Variants in CHP2 observed in about 807,000 individuals in gnomAD.
The protein encoded by CHP2 is calcineurin B homologous protein 2.
A neutral mutation model predicts 24.7 loss-of-function variants in CHP2; 31 were observed. That is an observed-to-expected ratio of 1.26 (90% CI 0.94 to 1.69). CHP2 has a LOEUF of 1.69. Ranked by LOEUF, CHP2 falls within the 40% of genes most tolerant of loss-of-function variation. The pLI, the probability that CHP2 is intolerant of heterozygous loss-of-function variation, is 0.00. For missense variants in CHP2, 319 were observed against 261.5 expected (o/e 1.22, Z -1.52); for synonymous variants, 97 against 99.1 (o/e 0.98, Z 0.13).
intron 5 of CHP2, 112 bp from the exon 6 acceptor site, chr16:23,757,089 T>C: frequency 8.0e-7 from 1 of 1,253,476 alleles, no homozygotes; most frequent in Non-Finnish European, 1.2e-6. Context: ...GGATGAAGGA[T>C]GGATTATAAA....
At chr16:23,757,153 C>G in intron 5 of CHP2, 48 bp from the exon 6 acceptor site, 1 of 1,612,012 alleles carries the variant, frequency 6.2e-7, no homozygotes, top group Non-Finnish European at 8.5e-7. Context: ...TGGGGAGTTG[C>G]AGCCTTCGTG....
rs926491755 is a variant in CHP2 at position 23,757,949 on chromosome 16, A to G, written c.*366A>G. 7 of 367,104 alleles carry G rather than the reference A, an allele frequency of 1.9e-5. No homozygotes were observed. Among genetic ancestry groups the G allele is most frequent in the African/African-American group, 1.5e-4 (7 of 47,416 alleles). The allele number at this position is 367,104 out of a possible 1,614,324, so 22.7% of individuals were successfully genotyped here. A position where few individuals can be genotyped will look rare whatever the true frequency, so the allele number is the denominator to read the frequency against. On this transcript the variant is annotated 3_prime_UTR_variant, in exon 7 of 7. Coordinates refer to ENST00000300113, the MANE Select transcript of CHP2 (RefSeq NM_022097.4). ...GGAGCCCTGAGCTTGTTTTCCTGCAATTAGACGGTCCCATATGGGAGTGAT... is the reference window on the plus strand; with the variant it reads ...GGAGCCCTGAGCTTGTTTTCCTGCAGTTAGACGGTCCCATATGGGAGTGAT...
At chr16:23,755,599 G>T (rs1961209812) in intron 1 of CHP2, 62 bp from the exon 2 acceptor site, 12 of 1,427,630 alleles carry the variant, frequency 8.4e-6, no homozygotes, top group Non-Finnish European at 1.2e-5. Context: ...GGCCTGTTGG[G>T]GCGGGTTTCT....
In CHP2 at chr16:23,755,104, C is replaced by A; in HGVS notation, c.55C>A (p.Arg19=). The change falls in exon 1 of 7, where the codon CGA becomes AGA. Residue 19 remains arginine, a synonymous_variant. Coordinates refer to ENST00000300113, the MANE Select transcript of CHP2 (RefSeq NM_022097.4). ...AVIPDGDSIR[R]ETGFSQASLL... Reference sequence around the variant, plus strand: ...CATTCCCGACGGGGACAGTATTCGGCGAGAGACCGGCTGTGAGTGCGCCCG... The same window carrying A: ...CATTCCCGACGGGGACAGTATTCGGAGAGAGACCGGCTGTGAGTGCGCCCG... 3.7e-6 allele frequency: 6 copies of A among 1,601,670 alleles called. No individual in the cohort carries two copies. The highest frequency in any genetic ancestry group is 5.1e-6 in the Non-Finnish European group (6 of 1,176,268).
At chr16:23,755,190 G>T in intron 1 of CHP2, 74 bp downstream of exon 1, 2 of 1,139,064 alleles carry the variant, frequency 1.8e-6, no homozygotes, top group Non-Finnish European at 2.5e-6. Context: ...GAAGGGGTTG[G>T]GTTGAAGGAT....
At position 23,758,167 on chromosome 16, in the gene CHP2, T is replaced by C. The variant is rs947520581; in HGVS notation, c.*584T>C. The stretch of plus-strand genomic sequence containing the variant: ...CTGTAAATATAGATGAAGCTTCAGC[T>C]CGCCTGCCGCTCACCTTGTGCTGTG... On this transcript the variant is annotated 3_prime_UTR_variant, in exon 7 of 7. Coordinates refer to ENST00000300113, the MANE Select transcript of CHP2 (RefSeq NM_022097.4). The C allele has an allele frequency of 1.1e-4, 18 of 164,590 alleles. No homozygotes were observed. Among genetic ancestry groups the C allele is most frequent in the Admixed American group, 1.0e-3 (18 of 17,346 alleles). The allele number at this position is 164,590 out of a possible 1,614,324, so 10.2% of individuals were successfully genotyped here.
chr16:23,758,560 T>G lies in CHP2; in HGVS notation c.*977T>G, dbSNP rs941749272. The G allele has an allele frequency of 1.3e-5, 2 of 152,328 alleles. No homozygotes were observed. The highest frequency in any genetic ancestry group is 2.9e-5 in the Non-Finnish European group (2 of 68,044). 9.4% of individuals were successfully genotyped at this position (152,328 alleles called of 1,614,324 possible). On this transcript the variant is annotated 3_prime_UTR_variant, in exon 7 of 7. Transcript: ENST00000300113. ...GTAACCCAGTGGGAAGAGATTTACT[T>G]ATTCCAATAATTCCAAGTGGAGAGT...
chr16:23,756,802 A>G (rs1056312640), intron 5 of CHP2, among the ~76,000 whole-genome samples: 2 of 152,072 alleles, frequency 1.3e-5, no homozygotes, highest in African/African-American at 2.4e-5. Flanking sequence ...ATCATGCAAT[A>G]CCCAGGAGAG....
At chr16:23,757,380 C>T in intron 6 of CHP2, 57 bp downstream of exon 6, 1 of 1,594,054 alleles carries the variant, frequency 6.3e-7, no homozygotes, top group Non-Finnish European at 8.6e-7. Context: ...GGCAGACAGA[C>T]TTGGGAAACG....
intron 3 of CHP2, 25 bp downstream of exon 3, chr16:23,755,952 G>A: frequency 6.2e-7 from 1 of 1,614,106 alleles, no homozygotes; most frequent in Non-Finnish European, 8.5e-7. Flanking sequence ...GCGTGGGGAG[G>A]TGAAGGCGGG....
intron 5 of CHP2, among the ~76,000 whole-genome samples, chr16:23,756,780 A>T (rs1392040240): frequency 6.6e-6 from 1 of 152,110 alleles, no homozygotes; most frequent in East Asian, 1.9e-4. Flanking sequence ...GAGGTCAGGA[A>T]TGTGGCTATA....
At position 23,757,494 on chromosome 16, in the gene CHP2, G is replaced by A. The variant is rs564811398; in HGVS notation, c.538-36G>A. On this transcript the variant is annotated intron_variant, in intron 6 of 6. Coordinates refer to ENST00000300113, the MANE Select transcript of CHP2 (RefSeq NM_022097.4). ...AGGTTGGGAGCATGGAGAGCTGAGA[G>A]TCAAGCCTCTTGCCTGCCATTTGTT... 11 of 1,610,298 alleles carry A rather than the reference G, an allele frequency of 6.8e-6. No homozygotes were observed. In the African/African-American group the frequency reaches 1.5e-4, roughly 22 times the overall value.
chr16:23,756,440 G>A lies in CHP2; in HGVS notation c.405G>A (p.Glu135=). 1 of 1,613,858 alleles carries A rather than the reference G, an allele frequency of 6.2e-7. No individual in the cohort carries two copies. The highest frequency in any genetic ancestry group is 8.5e-7 in the Non-Finnish European group (1 of 1,179,804). Residue 135 remains glutamate, a synonymous_variant, in exon 5 of 7, where the codon GAG becomes GAA. Transcript: ENST00000300113. ...LDRDGKISRH[E]MLQVLRLMVG... ...GCGATGGGAAGATCTCCAGGCATGA[G>A]ATGCTGCAGGTTGGCAGAAAGCGAG...
In CHP2 at chr16:23,757,813, T is replaced by C; in HGVS notation, c.*230T>C. The C allele has an allele frequency of 1.7e-6, 1 of 587,962 alleles. No homozygotes were observed. The highest frequency in any genetic ancestry group is 3.0e-6 in the Non-Finnish European group (1 of 328,604). The allele number at this position is 587,962 out of a possible 1,614,324, so 36.4% of individuals were successfully genotyped here. On this transcript the variant is annotated 3_prime_UTR_variant, in exon 7 of 7. Coordinates refer to ENST00000300113, the MANE Select transcript of CHP2 (RefSeq NM_022097.4). ...TCCACGGATGGGTGACAGGGGATGG[T>C]TTTGGGATGATTCAAGTGCATTACA... is the stretch of plus-strand genomic sequence containing the variant.
In CHP2 at chr16:23,756,183, C is replaced by A. The variant is rs1961223242; in HGVS notation, c.342C>A (p.Asn114Lys). The A allele has an allele frequency of 6.2e-7, 1 of 1,614,024 alleles. No homozygotes were observed. Among genetic ancestry groups the A allele is most frequent in the South Asian group, 1.1e-5 (1 of 91,082 alleles). ...KKPEPLNSRR[N>K]KLHYAFQLYD... ...CTGAACCTCTCAACAGCAGAAGGAA[C>A]AAACTTCACTGTGAGTTTGTGAGGA... The change falls in exon 4 of 7, where the codon AAC becomes AAA. Residue 114 changes from asparagine (N) to lysine (K), a missense_variant. By Grantham distance (94) the Asn-to-Lys change is moderately conservative. Transcript: ENST00000300113.
intron 3 of CHP2, 44 bp downstream of exon 3, chr16:23,755,971 T>A: frequency 6.2e-7 from 1 of 1,613,562 alleles, no homozygotes; most frequent in Non-Finnish European, 8.5e-7. Flanking sequence ...GGAAAACCGG[T>A]GTGTGAGTGG....
In CHP2 at chr16:23,755,105, G is replaced by C. The variant is rs768501001; in HGVS notation, c.56G>C (p.Arg19Pro). ...AVIPDGDSIR[R>P]ETGFSQASLL... ...ATTCCCGACGGGGACAGTATTCGGC[G>C]AGAGACCGGCTGTGAGTGCGCCCGC... The change falls in exon 1 of 7, where the codon CGA becomes CCA. Residue 19 changes from arginine to proline, a missense_variant. Physicochemically the swap from Arg to Pro is moderately radical, Grantham distance 103. Coordinates refer to ENST00000300113, the MANE Select transcript of CHP2 (RefSeq NM_022097.4). The C allele has an allele frequency of 6.2e-7, 1 of 1,601,742 alleles. No individual in the cohort carries two copies. The highest frequency in any genetic ancestry group is 1.7e-5 in the Admixed American group (1 of 59,346).
chr16:23,756,003 G>A (rs893756216), intron 3 of CHP2, 60 bp from the exon 4 acceptor site: 4 of 1,613,756 alleles, frequency 2.5e-6, no homozygotes, highest in South Asian at 1.1e-5. Flanking sequence ...GGTTAGAGAC[G>A]GAGGCAAAGT....
In CHP2 at chr16:23,758,834, C is replaced by T. The variant is rs1230146330; in HGVS notation, c.*1251C>T. ...GTGAGGGACCCTTGAAGTCTGGACT[C>T]TTAAATGGGTTTTTGCTGATTTCCT... On this transcript the variant is annotated 3_prime_UTR_variant, in exon 7 of 7. Transcript: ENST00000300113. 6.6e-6 allele frequency: 1 copy of T among 152,262 alleles called. No homozygotes were observed. Among genetic ancestry groups the T allele is most frequent in the Non-Finnish European group, 1.5e-5 (1 of 68,092 alleles). The allele number at this position is 152,262 out of a possible 1,614,324, so 9.4% of individuals were successfully genotyped here.
Sources: gnomAD v4.1 joint callset for allele counts (sites outside exome capture counted in the v4.1 genomes callset) on GRCh38, gnomAD v4.1.1 for gene constraint, MANE v1.5 for transcripts, NCBI Gene and HGNC (gene_info 2026-07-23, HGNC 2026-07-21) for gene names.